EFNA2: variants seen among roughly 807,000 people sequenced by gnomAD.
The protein encoded by EFNA2 is ephrin-A2.
EFNA2 carries 18 observed loss-of-function variants against 19.7 expected under a neutral mutation model. That is an observed-to-expected ratio of 0.91 (90% confidence interval 0.63 to 1.35). The LOEUF (loss-of-function observed/expected upper bound fraction) is 1.35, where lower values mean the gene tolerates loss of function less well. EFNA2 is among the 40% of genes most tolerant of loss of function. The pLI is 0.00. For synonymous variants in EFNA2, 187 were observed against 137.8 expected (o/e 1.36, Z -2.50); for missense variants, 303 against 296.0 (o/e 1.02, Z -0.17).
upstream of EFNA2, among the ~76,000 whole-genome samples, chr19:1,285,688 A>T (rs1568857879): frequency 1.3e-5 from 2 of 151,028 alleles, no homozygotes; most frequent in African/African-American, 2.4e-5. The surrounding 1 kb of genome is among the most constrained non-coding windows in gnomAD (Gnocchi z 4.1). Flanking sequence ...GGCCACGCGG[A>T]TGCCGGCGGG....
In EFNA2 at chr19:1,300,063, C is replaced by T; in HGVS notation, c.*118C>T. The T allele has an allele frequency of 6.6e-6, 9 of 1,365,606 alleles. No homozygotes were observed. Among genetic ancestry groups the T allele is most frequent in the Non-Finnish European group, 8.7e-6 (9 of 1,039,568 alleles). The allele number at this position is 1,365,606 out of a possible 1,614,324, so 84.6% of individuals were successfully genotyped here. ...GAGACCAAATAGAGACGCTGCTTCT[C>T]CCTCGCCTGGTGCCGCCCCCGCCGG... On this transcript the variant is annotated 3_prime_UTR_variant, in exon 4 of 4. Transcript: ENST00000215368.
chr19:1,285,110 G>A (rs1206884583), upstream of EFNA2, among the ~76,000 whole-genome samples: 1 of 152,154 alleles, frequency 6.6e-6, no homozygotes. The surrounding 1 kb of genome is among the most constrained non-coding windows in gnomAD (Gnocchi z 4.1). Flanking sequence ...CAAAGCAGAG[G>A]CCAGGCCCCC....
intron 1 of EFNA2, among the ~76,000 whole-genome samples, chr19:1,292,219 C>T (rs925317749): frequency 1.3e-5 from 2 of 152,240 alleles, no homozygotes; most frequent in African/African-American, 4.8e-5. Flanking sequence ...TGCCCGCCAA[C>T]TTGGAACCGG....
In EFNA2 at chr19:1,295,736, G is replaced by A. The variant is rs776506400; in HGVS notation, c.332G>A (p.Arg111His). Reference protein sequence around the residue: ...SCDHRQRGFKRWECNRPAAPG... With the variant: ...SCDHRQRGFKHWECNRPAAPG... ...GACCACCGCCAGCGCGGCTTCAAGC[G>A]CTGGGAGTGCAACCGGCCCGCGGCG... Residue 111 changes from arginine (R) to histidine (H), a missense_variant, in exon 2 of 4, where the codon CGC becomes CAC. Transcript: ENST00000215368. The surrounding 1 kb of genome is among the most constrained non-coding windows in gnomAD (Gnocchi z 5.8). The A allele has an allele frequency of 6.2e-7, 1 of 1,608,026 alleles. No individual in the cohort carries two copies.
chr19:1,294,783 C>T lies in EFNA2; in HGVS notation c.141-762C>T, dbSNP rs1357887577. Among the ~76,000 whole-genome samples the T allele has an allele frequency of 1.3e-5, 2 of 151,758 alleles. No individual in the cohort carries two copies. The highest frequency in any genetic ancestry group is 2.9e-5 in the Non-Finnish European group (2 of 67,940). On this transcript the variant is annotated intron_variant, in intron 1 of 3. Transcript: ENST00000215368. This position sits in a 1 kb window ranked among gnomAD's most constrained non-coding sequence, Gnocchi z 5.8. ...GGCCAGGGTGGGGGCAGAGCTTGCC[C>T]CAGAGCGAGCTGGAATGCCCGACCT...
Position 1,287,175 on chromosome 19 carries a change from CG to C in EFNA2, c.140+871del. On this transcript the variant is annotated intron_variant, in intron 1 of 3. Transcript: ENST00000215368. This position sits in a 1 kb window ranked among gnomAD's most constrained non-coding sequence, Gnocchi z 6.2. ...GTTGGTCAGAGCAAAAAAAGTTTGCCGGGGCCTGGCCATGGCCTGGACGTGG... is the reference window on the plus strand; with the variant it reads ...GTTGGTCAGAGCAAAAAAAGTTTGCCGGGCCTGGCCATGGCCTGGACGTGG... 6.6e-6 allele frequency among the ~76,000 whole-genome samples: 1 copy of C among 152,324 alleles called. No homozygotes were observed. The highest frequency in any genetic ancestry group is 1.9e-4 in the East Asian group (1 of 5,184).
chr19:1,298,072 C>CAAA (rs58897953), intron 2 of EFNA2, among the ~76,000 whole-genome samples: 11 of 49,868 alleles, frequency 2.2e-4, no homozygotes, highest in Admixed American at 2.8e-4. Context: ...AGCTCCATCA[C>CAAA]AAAAAAAAAA....
rs2081541417 is a variant in EFNA2 at position 1,301,162 on chromosome 19, A to G, written c.*1217A>G. 1.3e-5 allele frequency among the ~76,000 whole-genome samples: 2 copies of G among 150,778 alleles called. No homozygotes were observed. The highest frequency in any genetic ancestry group is 4.9e-5 in the African/African-American group (2 of 41,216). ...CCCCGAAGACACTTTAATGAAGGAAACAACACATTTATACGGATTTCATAT... is the reference window on the plus strand; with the variant it reads ...CCCCGAAGACACTTTAATGAAGGAAGCAACACATTTATACGGATTTCATAT... On this transcript the variant is annotated 3_prime_UTR_variant, in exon 4 of 4. Coordinates refer to ENST00000215368, the MANE Select transcript of EFNA2 (RefSeq NM_001405.4).
chr19:1,285,673 G>A (rs1414633803), upstream of EFNA2, among the ~76,000 whole-genome samples: 3 of 151,758 alleles, frequency 2.0e-5, no homozygotes, highest in Admixed American at 2.0e-4. This position sits in a 1 kb window ranked among gnomAD's most constrained non-coding sequence, Gnocchi z 4.1. Context: ...GGAGACCCCA[G>A]GCCGGGCCAC....
At position 1,296,540 on chromosome 19, in the gene EFNA2, CTG is replaced by C. The variant is rs1568868993; in HGVS notation, c.454+685_454+686del. On this transcript the variant is annotated intron_variant, in intron 2 of 3. Coordinates refer to ENST00000215368, the MANE Select transcript of EFNA2 (RefSeq NM_001405.4). This position sits in a 1 kb window ranked among gnomAD's most constrained non-coding sequence, Gnocchi z 4.4. ...ATTAGCCAGGTGTGGTGGCATGGGCCTGTGGTCCCAGCTGTGCAGGGGGCTGA... is the reference window on the plus strand; with the variant it reads ...ATTAGCCAGGTGTGGTGGCATGGGCCTGGTCCCAGCTGTGCAGGGGGCTGA... Among the ~76,000 whole-genome samples the C allele has an allele frequency of 6.6e-6, 1 of 152,176 alleles. No homozygotes were observed. Among genetic ancestry groups the C allele is most frequent in the Non-Finnish European group, 1.5e-5 (1 of 68,028 alleles).
chr19:1,286,226 C>T lies in EFNA2; in HGVS notation c.58C>T (p.Pro20Ser). The T allele has an allele frequency of 8.9e-7, 1 of 1,123,838 alleles. No homozygotes were observed. Among genetic ancestry groups the T allele is most frequent in the Admixed American group, 3.9e-5 (1 of 25,624 alleles). 69.6% of individuals were successfully genotyped at this position (1,123,838 alleles called of 1,614,324 possible). A position where few individuals can be genotyped will look rare whatever the true frequency, so the allele number is the denominator to read the frequency against. ...PLLLLLLPLP[P>S]PPFARAEDAA... The stretch of plus-strand genomic sequence containing the variant: ...GCTGCTCCTGCTGTTACCGCTGCCG[C>T]CGCCGCCCTTCGCGCGCGCCGAGGA... The change falls in exon 1 of 4, where the codon CCG (proline) becomes TCG (serine). Residue 20 changes from proline (P) to serine (S), a missense_variant. Transcript: ENST00000215368. This position sits in a 1 kb window ranked among gnomAD's most constrained non-coding sequence, Gnocchi z 5.6.
upstream of EFNA2, among the ~76,000 whole-genome samples, chr19:1,285,485 C>T (rs555811555): frequency 6.6e-6 from 1 of 152,318 alleles, no homozygotes; most frequent in Admixed American, 6.5e-5. The surrounding 1 kb of genome is among the most constrained non-coding windows in gnomAD (Gnocchi z 4.1). Context: ...CCCTCTGAAA[C>T]TCTGCCCCGG....
At chr19:1,285,098 G>A (rs2081457163), upstream of EFNA2, among the ~76,000 whole-genome samples, 1 of 152,212 alleles carries the variant, frequency 6.6e-6, no homozygotes, top group Non-Finnish European at 1.5e-5. The surrounding 1 kb of genome is among the most constrained non-coding windows in gnomAD (Gnocchi z 4.1). Context: ...TTGGAAAAAA[G>A]ACAAAGCAGA....
At position 1,296,508 on chromosome 19, in the gene EFNA2, A is replaced by T. The variant is rs900309200; in HGVS notation, c.454+650A>T. Among the ~76,000 whole-genome samples, 21 of 152,252 alleles carry T rather than the reference A, an allele frequency of 1.4e-4. No individual in the cohort carries two copies. Among genetic ancestry groups the T allele is most frequent in the Admixed American group, 1.2e-3 (18 of 15,300 alleles). On this transcript the variant is annotated intron_variant, in intron 2 of 3. Coordinates refer to ENST00000215368, the MANE Select transcript of EFNA2 (RefSeq NM_001405.4). The surrounding 1 kb of genome is among the most constrained non-coding windows in gnomAD (Gnocchi z 4.4). The stretch of plus-strand genomic sequence containing the variant: ...GGAGACCTTCTCTCTACAAAAACAT[A>T]AAAACAATTAGCCAGGTGTGGTGGC...
At chr19:1,298,363 T>A (rs1192411117) in intron 2 of EFNA2, among the ~76,000 whole-genome samples, 188 bp from the exon 3 acceptor site, 2 of 152,028 alleles carry the variant, frequency 1.3e-5, no homozygotes, top group Admixed American at 1.3e-4. Flanking sequence ...GCAGGGGGAA[T>A]GTGCAGGAGA....
chr19:1,285,458 T>C (rs1462877442), upstream of EFNA2, among the ~76,000 whole-genome samples: 1 of 152,152 alleles, frequency 6.6e-6, no homozygotes, highest in Non-Finnish European at 1.5e-5. The surrounding 1 kb of genome is among the most constrained non-coding windows in gnomAD (Gnocchi z 4.1). Context: ...CGAGCAGCTT[T>C]GGACTTTGGC....
At chr19:1,298,713 C>A in intron 3 of EFNA2, 97 bp downstream of exon 3, 1 of 1,377,402 alleles carries the variant, frequency 7.3e-7, no homozygotes, top group Non-Finnish European at 1.0e-6. Context: ...GACAGGGGGC[C>A]TCGGGTTTCC....
Position 1,295,445 on chromosome 19 carries a change from C to G in EFNA2, c.141-100C>G, listed in dbSNP as rs1321804197. 3.9e-6 allele frequency: 5 copies of G among 1,278,408 alleles called. No individual in the cohort carries two copies. The highest frequency in any genetic ancestry group is 2.4e-4 in the Middle Eastern group (1 of 4,126). The allele number at this position is 1,278,408 out of a possible 1,614,324, so 79.2% of individuals were successfully genotyped here. On this transcript the variant is annotated intron_variant, in intron 1 of 3. Transcript: ENST00000215368. This position sits in a 1 kb window ranked among gnomAD's most constrained non-coding sequence, Gnocchi z 5.8. ...CCTCGCCGCGCACCCCGACCCGTCC[C>G]TCGTGCTCCTGTCCCCTGACCCTGG... is the stretch of plus-strand genomic sequence containing the variant.
chr19:1,290,519 G>A (rs77041859), intron 1 of EFNA2, among the ~76,000 whole-genome samples: 6,284 of 152,286 alleles, frequency 0.041, 178 homozygotes, highest in African/African-American at 0.07. Context: ...TCGGGGTCAC[G>A]GCGGAGGCAG....
Sources: allele counts gnomAD v4.1 joint callset (sites outside exome capture counted in the v4.1 genomes callset), GRCh38; gene constraint gnomAD v4.1.1; non-coding constraint Gnocchi (gnomAD v3.1); transcripts MANE v1.5; gene names NCBI Gene and HGNC (gene_info 2026-07-23, HGNC 2026-07-21).